The following SLC25A26 variants were observed in gnomAD, a reference collection of about 807,000 sequenced individuals.
The protein encoded by SLC25A26 is mitochondrial S-adenosylmethionine carrier protein.
SLC25A26 carries 36 observed loss-of-function variants against 37.8 expected under a neutral mutation model. The ratio of observed to expected loss-of-function variants is 0.95; its 90% CI spans 0.73 to 1.26. The LOEUF (loss-of-function observed/expected upper bound fraction) is 1.26, where lower values mean the gene tolerates loss of function less well. SLC25A26 is among the 50% of genes most tolerant of loss of function. The pLI, the probability that SLC25A26 is intolerant of heterozygous loss-of-function variation, is 0.00. For missense variants in SLC25A26, 390 were observed against 331.1 expected (o/e 1.18, Z -1.38); for synonymous variants, 129 against 122.5 (o/e 1.05, Z -0.35).
At position 66,369,534 on chromosome 3, in the gene SLC25A26, C is replaced by G; in HGVS notation, c.625C>G (p.Leu209Val). ...PLDVAKTRIT[L>V]AKAGSSTADG... is the part of the protein sequence containing the mutation. ...AGACGTGGCAAAGACAAGAATTACG[C>G]TGGCAAAGGTAAGTGGTGAAATAAT... The change falls in exon 8 of 10, where the codon CTG (leucine) becomes GTG (valine). Residue 209 changes from leucine (L) to valine (V), a missense_variant. By Grantham distance (32) the Leu-to-Val change is conservative (BLOSUM62 1). Transcript: ENST00000354883. 6.3e-7 allele frequency: 1 copy of G among 1,595,948 alleles called. No individual in the cohort carries two copies. Among genetic ancestry groups the G allele is most frequent in the Non-Finnish European group, 8.5e-7 (1 of 1,170,766 alleles).
At chr3:66,194,387 A>G (rs2071004690) in intron 1 of SLC25A26, among the ~76,000 whole-genome samples, 2 of 152,154 alleles carry the variant, frequency 1.3e-5, no homozygotes, top group Non-Finnish European at 2.9e-5. Flanking sequence ...CCAATGACAG[A>G]GGTGCTCATT....
chr3:66,321,146 A>G (rs2075682659), intron 5 of SLC25A26, among the ~76,000 whole-genome samples: 1 of 152,244 alleles, frequency 6.6e-6, no homozygotes, highest in Admixed American at 6.5e-5. Context: ...GAAAAGACCA[A>G]GAGCATTATT....
intron 1 of SLC25A26, among the ~76,000 whole-genome samples, chr3:66,149,367 A>G (rs919241638): frequency 1.3e-5 from 2 of 152,138 alleles, no homozygotes; most frequent in Non-Finnish European, 2.9e-5. Context: ...CAGGTTAGGG[A>G]TGACATAATT....
In SLC25A26 at chr3:66,142,649, T is replaced by C. The variant is rs537669672; in HGVS notation, c.-354+8665T>C. On this transcript the variant is annotated intron_variant, in intron 1 of 10. Coordinates refer to the SLC25A26 transcript ENST00000676754. ...GTCCAATGGTACTGCTGCCTGACTA[T>C]CCATTTGTCATCAAACCTAAGCACA... is the stretch of plus-strand genomic sequence containing the variant. Among the ~76,000 whole-genome samples the C allele has an allele frequency of 1.8e-4, 27 of 152,338 alleles. No homozygotes were observed. In the South Asian group the frequency reaches 5.6e-3, roughly 32 times the overall value.
At chr3:66,206,154 G>C (rs2071173722) in intron 1 of SLC25A26, among the ~76,000 whole-genome samples, 1 of 152,156 alleles carries the variant, frequency 6.6e-6, no homozygotes, top group East Asian at 1.9e-4. Context: ...CTCAGGTAGA[G>C]AAAACAAGAG....
intron 1 of SLC25A26, among the ~76,000 whole-genome samples, chr3:66,190,472 A>C (rs1448008413): frequency 6.6e-6 from 1 of 152,196 alleles, no homozygotes; most frequent in East Asian, 1.9e-4. Flanking sequence ...TCCGTCACCC[A>C]GGCTAGAGTG....
intron 3 of SLC25A26, among the ~76,000 whole-genome samples, chr3:66,251,501 G>A (rs2107191889): frequency 6.6e-6 from 1 of 152,302 alleles, no homozygotes; most frequent in Middle Eastern, 3.4e-3. Context: ...ACCGAGCTAA[G>A]TTGAATAAGC....
At chr3:66,314,587 G>A (rs931710146) in intron 5 of SLC25A26, among the ~76,000 whole-genome samples, 2 of 151,924 alleles carry the variant, frequency 1.3e-5, no homozygotes, top group African/African-American at 4.8e-5. Flanking sequence ...GTTTTTTGTT[G>A]TTGTATGTCT....
At chr3:66,162,686 A>G (rs1267926514) in intron 1 of SLC25A26, among the ~76,000 whole-genome samples, 1 of 152,190 alleles carries the variant, frequency 6.6e-6, no homozygotes, top group Non-Finnish European at 1.5e-5. Flanking sequence ...AATTAACATG[A>G]TATCTAAAGA....
At chr3:66,328,870 A>G (rs1270021990) in intron 5 of SLC25A26, among the ~76,000 whole-genome samples, 2 of 152,118 alleles carry the variant, frequency 1.3e-5, no homozygotes, top group East Asian at 1.9e-4. Flanking sequence ...TTAGGAGAAC[A>G]TATCTTTAAG....
chr3:66,209,291 A>T (rs994553834), intron 1 of SLC25A26, among the ~76,000 whole-genome samples: 1 of 140,246 alleles, frequency 7.1e-6, no homozygotes, highest in East Asian at 2.2e-4. Context: ...TATATAATAT[A>T]TAGCTATATG....
At chr3:66,211,491 C>T (rs2071282996) in intron 1 of SLC25A26, among the ~76,000 whole-genome samples, 1 of 152,178 alleles carries the variant, frequency 6.6e-6, no homozygotes, top group African/African-American at 2.4e-5. Flanking sequence ...TACCTGGGGT[C>T]TTGCGGCTCT....
chr3:66,306,018 T>A (rs1377499123), intron 5 of SLC25A26, among the ~76,000 whole-genome samples: 2 of 152,142 alleles, frequency 1.3e-5, no homozygotes, highest in African/African-American at 4.8e-5. Context: ...GGAGTCTCGC[T>A]CTGTTGCCTA....
At chr3:66,304,420 T>C in intron 5 of SLC25A26, 1 of 456,392 alleles carries the variant, frequency 2.2e-6, no homozygotes, top group South Asian at 1.5e-5. Context: ...TGTTCACATG[T>C]CTGTTGTCAT....
chr3:66,340,156 T>A (rs1368401410), intron 5 of SLC25A26, among the ~76,000 whole-genome samples: 3 of 152,118 alleles, frequency 2.0e-5, no homozygotes, highest in African/African-American at 7.2e-5. Flanking sequence ...GAAGATTGTT[T>A]AACCATATAT....
At chr3:66,371,668 C>T (rs1327312776) in intron 9 of SLC25A26, among the ~76,000 whole-genome samples, 1 of 152,080 alleles carries the variant, frequency 6.6e-6, no homozygotes, top group African/African-American at 2.4e-5. Flanking sequence ...GTGCTGGGAG[C>T]CTGCCACTTA....
intron 1 of SLC25A26, among the ~76,000 whole-genome samples, chr3:66,202,229 GAAGCCATCAT>G (rs1280477080): frequency 6.6e-6 from 1 of 152,054 alleles, no homozygotes; most frequent in East Asian, 1.9e-4. Flanking sequence ...GATAAAGCTG[GAAGCCATCAT>G]TCTCAGTAAA....
At chr3:66,186,135 C>A (rs1402590242) in intron 1 of SLC25A26, among the ~76,000 whole-genome samples, 2 of 152,100 alleles carry the variant, frequency 1.3e-5, no homozygotes, top group East Asian at 3.9e-4. Flanking sequence ...TTCTGGCCAC[C>A]CGATACTTAC....
intron 6 of SLC25A26, among the ~76,000 whole-genome samples, chr3:66,352,501 T>C (rs924140100): frequency 3.2e-4 from 49 of 151,630 alleles, no homozygotes; most frequent in African/African-American, 1.2e-3. Context: ...GCTAGAAATA[T>C]TCTTTCTTCC....
Sources: gnomAD v4.1 joint callset for allele counts (sites outside exome capture counted in the v4.1 genomes callset) on GRCh38, gnomAD v4.1.1 for gene constraint, MANE v1.5 for transcripts, NCBI Gene and HGNC (gene_info 2026-07-23, HGNC 2026-07-21) for gene names.